CCDC3: variants seen among roughly 807,000 people sequenced by gnomAD.
CCDC3 encodes coiled-coil domain containing 3.
In CCDC3, 24 loss-of-function variants were observed where a neutral mutation model predicts 21.4. The observed-to-expected ratio is 1.12, with a 90% CI of 0.81 to 1.58. The LOEUF (loss-of-function observed/expected upper bound fraction) is 1.58, where lower values mean the gene tolerates loss of function less well. CCDC3 is among the 40% of genes most tolerant of loss of function. The pLI is 0.00. For synonymous variants in CCDC3, 186 were observed against 166.0 expected (o/e 1.12, Z -0.93); for missense variants, 425 against 360.9 (o/e 1.18, Z -1.44).
In CCDC3 at chr10:12,960,271, T is replaced by C. The variant is rs551587269; in HGVS notation, c.549+38067A>G. Among the ~76,000 whole-genome samples, 14 of 152,314 alleles carry C rather than the reference T, an allele frequency of 9.2e-5. No homozygotes were observed. In the East Asian group the frequency reaches 1.4e-3, roughly 15 times the overall value. Reference sequence around the variant, plus strand: ...TAGACAGACTTTTGAGTATCTTTTGTGTTTTTATCCTGCAGCTTTACAGAA... The same window carrying C: ...TAGACAGACTTTTGAGTATCTTTTGCGTTTTTATCCTGCAGCTTTACAGAA... On this transcript the variant is annotated intron_variant, in intron 2 of 2. Transcript: ENST00000378825.
At chr10:13,094,401 C>T (rs1239498772) in intron 3 of CCDC3, among the ~76,000 whole-genome samples, 11 of 152,124 alleles carry the variant, frequency 7.2e-5, no homozygotes, top group Admixed American at 2.0e-4. Context: ...GGACTATAGG[C>T]GTGTGCCACC....
In CCDC3 at chr10:13,001,352, G is replaced by T. The variant is rs540003108; in HGVS notation, c.219C>A (p.Leu73=). The change falls in exon 1 of 3, where the codon CTC becomes CTA. Residue 73 remains leucine, a synonymous_variant. Coordinates refer to ENST00000378825, the MANE Select transcript of CCDC3 (RefSeq NM_031455.4). ...PWQYHAGQGG[L]FYSAEVEMLC... Reference sequence around the variant, plus strand: ...GCATCTCGACCTCGGCCGAGTAGAAGAGGCCCCCCTGGCCGGCGTGGTACT... The same window carrying T: ...GCATCTCGACCTCGGCCGAGTAGAATAGGCCCCCCTGGCCGGCGTGGTACT... 3.1e-6 allele frequency: 5 copies of T among 1,601,556 alleles called. No homozygotes were observed. The highest frequency in any genetic ancestry group is 1.7e-5 in the Admixed American group (1 of 58,464).
At chr10:12,924,859 T>C (rs1233434951) in intron 2 of CCDC3, 1 of 152,210 alleles carries the variant, frequency 6.6e-6, no homozygotes, top group African/African-American at 2.4e-5. Flanking sequence ...GTGGTCAATT[T>C]GGGTCTCATG....
At chr10:12,907,568 C>T (rs895044725) in intron 2 of CCDC3, among the ~76,000 whole-genome samples, 24 of 152,158 alleles carry the variant, frequency 1.6e-4, no homozygotes, top group Non-Finnish European at 2.6e-4. Context: ...TCGCTTGACC[C>T]GAGAGGAGGA....
chr10:12,969,684 A>T (rs1025286246), intron 2 of CCDC3, among the ~76,000 whole-genome samples: 98 of 149,434 alleles, frequency 6.6e-4, no homozygotes, highest in African/African-American at 2.1e-3. Flanking sequence ...AATTTTAGAA[A>T]TTTTTTAATA....
chr10:12,921,604 G>A (rs563445125), intron 2 of CCDC3, among the ~76,000 whole-genome samples: 2 of 152,322 alleles, frequency 1.3e-5, no homozygotes, highest in African/African-American at 2.4e-5. Flanking sequence ...ACCATTTTAA[G>A]TGTACACTTC....
chr10:12,993,066 CT>C (rs1259217281), intron 2 of CCDC3, among the ~76,000 whole-genome samples: 2 of 152,238 alleles, frequency 1.3e-5, no homozygotes, highest in Admixed American at 1.3e-4. Context: ...ACCCCTGTTA[CT>C]ACTGATGTTG....
chr10:13,089,049 A>G (rs1214148630), intron 3 of CCDC3, among the ~76,000 whole-genome samples: 3 of 151,938 alleles, frequency 2.0e-5, no homozygotes, highest in Admixed American at 1.3e-4. Context: ...TATTAACTGG[A>G]TATTGAGATA....
chr10:13,000,111 G>T (rs1242119341), intron 1 of CCDC3, among the ~76,000 whole-genome samples: 1 of 152,172 alleles, frequency 6.6e-6, no homozygotes, highest in Non-Finnish European at 1.5e-5. Context: ...AAGTGAATCT[G>T]CAGACCCACG....
intron 2 of CCDC3, among the ~76,000 whole-genome samples, chr10:12,940,471 G>C (rs1361633640): frequency 6.6e-6 from 1 of 152,126 alleles, no homozygotes; most frequent in Non-Finnish European, 1.5e-5. Context: ...GGTTAGGGTG[G>C]TTCCCTAGTC....
intron 2 of CCDC3, among the ~76,000 whole-genome samples, chr10:12,972,707 C>T (rs1285857687): frequency 6.6e-6 from 1 of 152,044 alleles, no homozygotes; most frequent in African/African-American, 2.4e-5. Context: ...ACCCCAGCTA[C>T]TCAGGAGGCT....
chr10:13,078,821 G>A (rs1436147822), intron 3 of CCDC3, among the ~76,000 whole-genome samples: 1 of 151,352 alleles, frequency 6.6e-6, no homozygotes, highest in Non-Finnish European at 1.5e-5. Flanking sequence ...GAGAACACTT[G>A]GACACAGGGT....
rs537775931 is a variant in CCDC3, at chr10:12,922,551, G to A, written c.550-23872C>T. 1.4e-4 allele frequency among the ~76,000 whole-genome samples: 21 copies of A among 152,308 alleles called. No homozygotes were observed. In the South Asian group the frequency reaches 2.5e-3, roughly 18 times the overall value. On this transcript the variant is annotated intron_variant, in intron 2 of 2. Coordinates refer to ENST00000378825, the MANE Select transcript of CCDC3 (RefSeq NM_031455.4). ...GCTTGTAAGGTCCCAGCACCTGGAAGGCCATCTTGGATGTTAGCTGTCACA... is the reference window on the plus strand; with the variant it reads ...GCTTGTAAGGTCCCAGCACCTGGAAAGCCATCTTGGATGTTAGCTGTCACA...
intron 5 of CCDC3, among the ~76,000 whole-genome samples, chr10:13,046,957 A>AG (rs1310192458): frequency 6.6e-6 from 1 of 151,966 alleles, no homozygotes; most frequent in African/African-American, 2.4e-5. Context: ...TAAAAAAAAA[A>AG]AAAAAGAAGA....
At chr10:13,040,035 G>A (rs1269037507) in intron 5 of CCDC3, among the ~76,000 whole-genome samples, 1 of 152,038 alleles carries the variant, frequency 6.6e-6, no homozygotes, top group African/African-American at 2.4e-5. Context: ...TGATTTCACT[G>A]TAATTTGAAT....
intron 2 of CCDC3, among the ~76,000 whole-genome samples, chr10:12,989,373 C>A (rs1835646690): frequency 6.6e-6 from 1 of 152,196 alleles, no homozygotes; most frequent in Non-Finnish European, 1.5e-5. Flanking sequence ...TCTGCAGAAT[C>A]CTAGGGGGCC....
chr10:13,001,635 G>A lies in CCDC3; in HGVS notation c.-65C>T. The A allele has an allele frequency of 3.9e-6, 4 of 1,019,276 alleles. No individual in the cohort carries two copies. Among genetic ancestry groups the A allele is most frequent in the Non-Finnish European group, 4.7e-6 (4 of 842,854 alleles). The allele number at this position is 1,019,276 out of a possible 1,614,324, so 63.1% of individuals were successfully genotyped here. A position where few individuals can be genotyped will look rare whatever the true frequency, so the allele number is the denominator to read the frequency against. ...CCCGGGGAGCCCGCCGGCCCGGGAA[G>A]GGCAGCCCTGGGCGCTCGGCTGCTC... On this transcript the variant is annotated 5_prime_UTR_variant, in exon 1 of 3. Transcript: ENST00000378825.
chr10:13,075,118 A>G (rs1273408713), intron 3 of CCDC3, among the ~76,000 whole-genome samples: 2 of 152,214 alleles, frequency 1.3e-5, no homozygotes, highest in South Asian at 2.1e-4. Flanking sequence ...CACTGAAACG[A>G]GGCTTTACAT....
chr10:12,999,585 C>T (rs1835815122), intron 1 of CCDC3, among the ~76,000 whole-genome samples: 1 of 152,194 alleles, frequency 6.6e-6, no homozygotes, highest in Non-Finnish European at 1.5e-5. Context: ...TGTTAACACA[C>T]TCCAAGGCAA....
Sources: gnomAD v4.1 joint callset for allele counts (sites outside exome capture counted in the v4.1 genomes callset) on GRCh38, gnomAD v4.1.1 for gene constraint, MANE v1.5 for transcripts, NCBI Gene and HGNC (gene_info 2026-07-23, HGNC 2026-07-21) for gene names.